Variants in DNAH1 observed in about 807,000 individuals in gnomAD.
The protein encoded by DNAH1 is axonemal beta dynein heavy chain 1.
DNAH1 carries 327 observed loss-of-function variants against 484.3 expected under a neutral mutation model. The observed-to-expected ratio is 0.68, with a 90% CI of 0.62 to 0.74. The LOEUF (loss-of-function observed/expected upper bound fraction) is 0.74, where lower values mean the gene tolerates loss of function less well. DNAH1 is among the 30% of genes least tolerant of loss of function. The pLI is 0.00. For synonymous variants in DNAH1, 2,192 were observed against 2,191.9 expected (o/e 1.00, Z 0.00); for missense variants, 5,052 against 5,546.8 (o/e 0.91, Z 2.83).
intron 16 of DNAH1, among the ~76,000 whole-genome samples, 186 bp from the exon 17 acceptor site, chr3:52,351,776 G>A (rs1348483280): frequency 5.3e-5 from 8 of 152,194 alleles, no homozygotes; most frequent in Non-Finnish European, 1.0e-4. Flanking sequence ...GGTGGCAGTC[G>A]CGCCTCCCAG....
intron 8 of DNAH1, among the ~76,000 whole-genome samples, chr3:52,333,373 T>C (rs1701622965): frequency 6.7e-6 from 1 of 150,114 alleles, no homozygotes; most frequent in African/African-American, 2.5e-5. Flanking sequence ...CTTTTCCTTT[T>C]CTTTTCTTTC....
In DNAH1 at chr3:52,379,975, A is replaced by G; in HGVS notation, c.7448A>G (p.Glu2483Gly). Residue 2483 changes from glutamate (E) to glycine (G), a missense_variant, in exon 48 of 78, where the codon GAG becomes GGG. By Grantham distance (98) the Glu-to-Gly change is moderately conservative (BLOSUM62 -2). Around this residue, in one of 4 missense-constraint regions of DNAH1, gnomAD observed 2,929 missense variants for 3,409.4 expected, o/e 0.86. Transcript: ENST00000420323. This position sits in a 1 kb window ranked among gnomAD's most constrained non-coding sequence, Gnocchi z 4.4. ...CRVFRDRLVN[E>G]EDRSWFDQLL... ...GTGTTCCGGGACCGACTGGTGAATG[A>G]GGAGGACCGCAGCTGGTTCGACCAG... The G allele has an allele frequency of 6.3e-6, 10 of 1,586,832 alleles. No homozygotes were observed. The highest frequency in any genetic ancestry group is 8.6e-6 in the Non-Finnish European group (10 of 1,166,886).
In DNAH1 at chr3:52,382,472, A is replaced by G; in HGVS notation, c.7941+17A>G. ...GACACCCAGGTGCCACTGCCACAGC[A>G]GAGGGCAGGGCTCGGGGGGGCTGGA... is the stretch of plus-strand genomic sequence containing the variant. On this transcript the variant is annotated intron_variant, in intron 50 of 77. Transcript: ENST00000420323. 6.2e-7 allele frequency: 1 copy of G among 1,613,190 alleles called. No individual in the cohort carries two copies. The highest frequency in any genetic ancestry group is 8.5e-7 in the Non-Finnish European group (1 of 1,179,340).
chr3:52,390,648 C>T (rs898776972), intron 60 of DNAH1, among the ~76,000 whole-genome samples: 4 of 152,164 alleles, frequency 2.6e-5, no homozygotes, highest in Non-Finnish European at 5.9e-5. Flanking sequence ...CGAAGGAGGG[C>T]CTTTCTGTCT....
In DNAH1 at chr3:52,394,949, G is replaced by C. The variant is rs1008375400; in HGVS notation, c.10858G>C (p.Asp3620His). The change falls in exon 68 of 78, where the codon GAC (aspartate) becomes CAC (histidine). Residue 3620 changes from aspartate to histidine, a missense_variant. Around this residue, in one of 4 missense-constraint regions of DNAH1, gnomAD observed 853 missense variants for 899.0 expected, o/e 0.95. Coordinates refer to ENST00000420323, the MANE Select transcript of DNAH1 (RefSeq NM_015512.5). ...PLPGIWDQYL[D>H]QFQKLLVLRC... ...GCCTGGCATCTGGGACCAGTACCTAGACCAGTTCCAGAAGCTGCTAGTCCT... is the reference window on the plus strand; with the variant it reads ...GCCTGGCATCTGGGACCAGTACCTACACCAGTTCCAGAAGCTGCTAGTCCT... The C allele has an allele frequency of 6.2e-7, 1 of 1,613,622 alleles. No homozygotes were observed. Among genetic ancestry groups the C allele is most frequent in the Non-Finnish European group, 8.5e-7 (1 of 1,179,748 alleles).
chr3:52,388,957 G>T lies in DNAH1; in HGVS notation c.9495+20G>T. 1 of 1,571,390 alleles carries T rather than the reference G, an allele frequency of 6.4e-7. No individual in the cohort carries two copies. On this transcript the variant is annotated intron_variant, in intron 59 of 77. Transcript: ENST00000420323. Reference sequence around the variant, plus strand: ...TTCACGGTAAGAAGTCCCCACCTCTGTCTCTGACCAGCCTCGCCTTCCCAA... The same window carrying T: ...TTCACGGTAAGAAGTCCCCACCTCTTTCTCTGACCAGCCTCGCCTTCCCAA...
Position 52,385,245 on chromosome 3 carries a change from G to A in DNAH1, c.8515-92G>A. ...GGGGCCACCGAAGCTGCCGGCCACA[G>A]CTTCTCTCTCATGAATGAGGGCGGC... On this transcript the variant is annotated intron_variant, in intron 53 of 77. Coordinates refer to ENST00000420323, the MANE Select transcript of DNAH1 (RefSeq NM_015512.5). 25 of 1,333,552 alleles carry A rather than the reference G, an allele frequency of 1.9e-5. 1 individual carries two copies. The South Asian group carries it at 3.2e-4, about 17-fold the overall frequency. 82.6% of individuals were successfully genotyped at this position (1,333,552 alleles called of 1,614,324 possible).
At chr3:52,359,491 C>T (rs1702765951) in intron 26 of DNAH1, 105 bp downstream of exon 26, 3 of 1,462,870 alleles carry the variant, frequency 2.1e-6, no homozygotes, top group Non-Finnish European at 2.8e-6. Flanking sequence ...TGGAAGAGGC[C>T]TGGGGTTGGG....
Position 52,400,422 on chromosome 3 carries a change from C to T in DNAH1, c.12774C>T (p.Ala4258=). Residue 4258 remains alanine, a synonymous_variant, in exon 78 of 78, where the codon GCC becomes GCT. Coordinates refer to ENST00000420323, the MANE Select transcript of DNAH1 (RefSeq NM_015512.5). ...PQRHWIKRGV[A]LICALDY is the part of the protein sequence containing the mutation. ...GACACTGGATAAAGCGTGGTGTGGC[C>T]CTCATCTGTGCCCTGGACTACTAGA... 2 of 1,614,058 alleles carry T rather than the reference C, an allele frequency of 1.2e-6. No homozygotes were observed. Among genetic ancestry groups the T allele is most frequent in the Non-Finnish European group, 1.7e-6 (2 of 1,179,890 alleles).
chr3:52,381,739 C>T lies in DNAH1; in HGVS notation c.7708C>T (p.Arg2570Cys). Residue 2570 changes from arginine to cysteine, a missense_variant, in exon 49 of 78, where the codon CGC becomes TGC. Coordinates refer to ENST00000420323, the MANE Select transcript of DNAH1 (RefSeq NM_015512.5). This position sits in a 1 kb window ranked among gnomAD's most constrained non-coding sequence, Gnocchi z 4.1. ...CATGGACGCCATGAGCCACATCTGT[C>T]GCATCAGCCGCACCCTACGCCAGGC... is the stretch of plus-strand genomic sequence containing the variant. Reference protein sequence around the residue: ...LFMDAMSHICRISRTLRQALG... With the variant: ...LFMDAMSHICCISRTLRQALG... 2 of 1,604,800 alleles carry T rather than the reference C, an allele frequency of 1.2e-6. No homozygotes were observed. The highest frequency in any genetic ancestry group is 2.2e-5 in the East Asian group (1 of 44,500).
At chr3:52,346,841 T>G in intron 11 of DNAH1, 71 bp downstream of exon 11, 1 of 1,497,128 alleles carries the variant, frequency 6.7e-7, no homozygotes, top group East Asian at 2.4e-5. Context: ...TGGAGCAGGG[T>G]CAGGGACCAG....
chr3:52,359,802 C>A, intron 26 of DNAH1, 114 bp from the exon 27 acceptor site: 1 of 1,401,272 alleles, frequency 7.1e-7, no homozygotes, highest in Non-Finnish European at 9.8e-7. Flanking sequence ...CTCAGACCAT[C>A]AGAGACCCCC....
rs1011040886 is a variant in DNAH1, at chr3:52,358,112, A to G, written c.4086+109A>G. 1.1e-5 allele frequency: 10 copies of G among 889,180 alleles called. No homozygotes were observed. The highest frequency in any genetic ancestry group is 1.0e-4 in the African/African-American group (6 of 59,228). The allele number at this position is 889,180 out of a possible 1,614,324, so 55.1% of individuals were successfully genotyped here. On this transcript the variant is annotated intron_variant, in intron 24 of 77. Transcript: ENST00000420323. The surrounding 1 kb of genome is among the most constrained non-coding windows in gnomAD (Gnocchi z 4.2). ...TTTAGCAGGAAATGTGGCAAATGAC[A>G]TTCCTGGTCTTTGGAGACACACCTG...
At chr3:52,345,750 C>T in intron 10 of DNAH1, 44 bp downstream of exon 10, 2 of 1,574,040 alleles carry the variant, frequency 1.3e-6, no homozygotes, top group Non-Finnish European at 1.7e-6. Flanking sequence ...CAGGGCAGAC[C>T]CTTGGAACTG....
Position 52,350,098 on chromosome 3 carries a change from TG to T in DNAH1, c.2639del (p.Gly880AlafsTer7). The T allele has an allele frequency of 6.2e-7, 1 of 1,610,714 alleles. No individual in the cohort carries two copies. Among genetic ancestry groups the T allele is most frequent in the Non-Finnish European group, 8.5e-7 (1 of 1,179,296 alleles). ...ATGAAGGGCATCCCGGAGAGGCTGG[TG>T]GGCCTGGAGGTGAGGCAGGCACACG... is the stretch of plus-strand genomic sequence containing the variant. ...EWMKGIPERL[V>X]GLEERIVKVM... is the part of the protein sequence containing the mutation. On this transcript the variant is annotated frameshift_variant, in exon 15 of 78. Coordinates refer to ENST00000420323, the MANE Select transcript of DNAH1 (RefSeq NM_015512.5). LOFTEE classifies it high-confidence loss of function.
In DNAH1 at chr3:52,362,023, G is replaced by A. The variant is rs146436374; in HGVS notation, c.4980+257G>A. On this transcript the variant is annotated intron_variant, in intron 30 of 77. Coordinates refer to ENST00000420323, the MANE Select transcript of DNAH1 (RefSeq NM_015512.5). This position sits in a 1 kb window ranked among gnomAD's most constrained non-coding sequence, Gnocchi z 5.1. ...TGGTCCTTTCTCTAGCCACGTGCAG[G>A]GCGGCCAGGGACCTTGTTCTGGGGA... 3.9e-5 allele frequency among the ~76,000 whole-genome samples: 6 copies of A among 152,346 alleles called. No individual in the cohort carries two copies. In the East Asian group the frequency reaches 9.7e-4, roughly 25 times the overall value.
chr3:52,374,021 G>A (rs897756379), intron 44 of DNAH1: 17 of 1,033,946 alleles, frequency 1.6e-5, no homozygotes, highest in Non-Finnish European at 2.6e-5. Flanking sequence ...ATCTAATATA[G>A]CGAAGAAATA....
rs150123156 is a variant in DNAH1 at position 52,362,109 on chromosome 3, G to A, written c.4981-279G>A. Among the ~76,000 whole-genome samples the A allele has an allele frequency of 2.3e-3, 350 of 152,378 alleles. 1 individual carries two copies. The highest frequency in any genetic ancestry group is 8.0e-3 in the African/African-American group (332 of 41,586). On this transcript the variant is annotated intron_variant, in intron 30 of 77. Coordinates refer to ENST00000420323, the MANE Select transcript of DNAH1 (RefSeq NM_015512.5). This position sits in a 1 kb window ranked among gnomAD's most constrained non-coding sequence, Gnocchi z 5.1. ...ACTTCCCCTAGTCAGGCTGAGCTTG[G>A]CTGGAGCTGGGGAATTGGGGGTGGA...
In DNAH1 at chr3:52,368,774, G is replaced by A. The variant is rs527535218; in HGVS notation, c.5799G>A (p.Ala1933=). 15 of 1,613,878 alleles carry A rather than the reference G, an allele frequency of 9.3e-6. No individual in the cohort carries two copies. The highest frequency in any genetic ancestry group is 3.3e-5 in the Admixed American group (2 of 60,016). The change falls in exon 37 of 78, where the codon GCG becomes GCA. Residue 1933 remains alanine (A), a synonymous_variant. Transcript: ENST00000420323. The surrounding 1 kb of genome is among the most constrained non-coding windows in gnomAD (Gnocchi z 4.4). ...GGATATTCTCCTCGTTCATCCGGGC[G>A]GGGGCCATCACCTCCGACACCAACA... ...TDGIFSSFIR[A]GAITSDTNKK... is the part of the protein sequence containing the mutation.
Sources: gnomAD v4.1 joint callset for allele counts (sites outside exome capture counted in the v4.1 genomes callset) on GRCh38, gnomAD v4.1.1 for gene constraint, gnomAD v4.1.1 regional missense constraint, Gnocchi (gnomAD v3.1) non-coding constraint, MANE v1.5 for transcripts, NCBI Gene and HGNC (gene_info 2026-07-23, HGNC 2026-07-21) for gene names.